Variants in CACNA1C observed in about 807,000 individuals in gnomAD.
CACNA1C encodes calcium voltage-gated channel subunit alpha1 C.
CACNA1C carries 30 observed loss-of-function variants against 229.0 expected under a neutral mutation model. That is an observed-to-expected ratio of 0.13 (90% CI 0.10 to 0.18). CACNA1C has a LOEUF of 0.18. Among genes scored for constraint, CACNA1C ranks in the 10% least tolerant of loss-of-function variants. CACNA1C has a pLI of 1.00. For synonymous variants in CACNA1C, 1,114 were observed against 1,132.5 expected (o/e 0.98, Z 0.33); for missense variants, 1,658 against 2,845.0 (o/e 0.58, Z 9.49).
rs5795996 is a variant in CACNA1C at position 2,211,714 on chromosome 12, CTTTT to C, written c.477+91302_477+91305del. The stretch of plus-strand genomic sequence containing the variant: ...CTTTCACCTGTTACTCTTTCTGCTG[CTTTT>C]TTTTTTTTTTTTTTTTTGAGACAGA... On this transcript the variant is annotated intron_variant, in intron 3 of 46. Coordinates refer to ENST00000399655, the MANE Select transcript of CACNA1C (RefSeq NM_000719.7). Among the ~76,000 whole-genome samples the C allele has an allele frequency of 3.9e-3, 446 of 115,466 alleles. 3 individuals are homozygous for C. Among genetic ancestry groups the C allele is most frequent in the African/African-American group, 0.016 (430 of 26,414 alleles). The allele number at this position is 115,466 out of a possible 152,430, so 75.8% of individuals were successfully genotyped here.
intron 1 of CACNA1C, among the ~76,000 whole-genome samples, chr12:2,070,908 TC>T (rs1565498302): frequency 6.8e-6 from 1 of 147,630 alleles, no homozygotes; most frequent in Non-Finnish European, 1.5e-5. Flanking sequence ...TCCTTTTCTC[TC>T]TCCTTCCTTC....
At chr12:2,466,037 T>A (rs909052781) in intron 5 of CACNA1C, among the ~76,000 whole-genome samples, 2 of 152,130 alleles carry the variant, frequency 1.3e-5, no homozygotes, top group Non-Finnish European at 2.9e-5. Context: ...AGTCCCCAGG[T>A]GAACCACACG....
intron 1 of CACNA1C, among the ~76,000 whole-genome samples, chr12:2,062,904 G>A (rs2058028203): frequency 6.6e-6 from 1 of 152,124 alleles, no homozygotes; most frequent in African/African-American, 2.4e-5. Context: ...CAGACTTCAT[G>A]CATTATTTAT....
chr12:2,674,703 C>A, intron 39 of CACNA1C, 61 bp downstream of exon 39: 1 of 1,443,060 alleles, frequency 6.9e-7, no homozygotes, highest in Non-Finnish European at 9.4e-7. Context: ...CCTCTGCCTG[C>A]CTCTCCTCCA....
At chr12:2,569,251 T>A (rs1396673095) in intron 13 of CACNA1C, among the ~76,000 whole-genome samples, 2 of 152,244 alleles carry the variant, frequency 1.3e-5, no homozygotes, top group Admixed American at 1.3e-4. Context: ...ACCTGACTTA[T>A]GACCACTGGG....
In CACNA1C at chr12:2,117,133, T is replaced by C. The variant is rs143258263; in HGVS notation, c.371+1588T>C. 4.7e-3 allele frequency among the ~76,000 whole-genome samples: 722 copies of C among 152,258 alleles called. 5 individuals are homozygous for C. The highest frequency in any genetic ancestry group is 0.017 in the African/African-American group (698 of 41,550). Reference sequence around the variant, plus strand: ...TAATAATACAAAAATTAGCCAGGCGTTGGGGCACATGCCAGTAATTCCAGC... The same window carrying C: ...TAATAATACAAAAATTAGCCAGGCGCTGGGGCACATGCCAGTAATTCCAGC... On this transcript the variant is annotated intron_variant, in intron 2 of 46. Coordinates refer to ENST00000399655, the MANE Select transcript of CACNA1C (RefSeq NM_000719.7).
intron 1 of CACNA1C, among the ~76,000 whole-genome samples, chr12:2,071,596 A>G (rs1323402773): frequency 6.6e-6 from 1 of 151,996 alleles, no homozygotes; most frequent in Non-Finnish European, 1.5e-5. Context: ...TATTATTAAA[A>G]CATGTATTGA....
At chr12:2,168,585 C>T (rs897805903) in intron 3 of CACNA1C, among the ~76,000 whole-genome samples, 7 of 152,210 alleles carry the variant, frequency 4.6e-5, no homozygotes, top group East Asian at 1.9e-4. Context: ...GAATGCACCA[C>T]GGGTGGGTAA....
intron 29 of CACNA1C, chr12:2,614,185 T>G (rs2079249419): frequency 6.6e-6 from 1 of 152,214 alleles, no homozygotes; most frequent in Admixed American, 6.5e-5. Flanking sequence ...GTCTAAACTG[T>G]AAAGTGCCTC....
chr12:2,297,781 A>T (rs1282761091), intron 3 of CACNA1C, among the ~76,000 whole-genome samples: 4 of 152,182 alleles, frequency 2.6e-5, no homozygotes, highest in African/African-American at 9.6e-5. Context: ...TAAGTCTGTA[A>T]TGTGCATATA....
At chr12:2,339,763 T>C (rs1318023249) in intron 3 of CACNA1C, among the ~76,000 whole-genome samples, 3 of 152,180 alleles carry the variant, frequency 2.0e-5, no homozygotes, top group African/African-American at 7.2e-5. Flanking sequence ...GAGACCACCA[T>C]TGTGTATGTG....
At chr12:2,519,014 C>G (rs1409252334) in intron 9 of CACNA1C, among the ~76,000 whole-genome samples, 1 of 152,210 alleles carries the variant, frequency 6.6e-6, no homozygotes, top group Non-Finnish European at 1.5e-5. Flanking sequence ...ACCCAGGGCT[C>G]CAGATTCCCC....
chr12:2,334,954 G>A (rs186378877), intron 3 of CACNA1C, among the ~76,000 whole-genome samples: 22 of 152,218 alleles, frequency 1.4e-4, no homozygotes, highest in African/African-American at 4.8e-4. Flanking sequence ...CTTCTTGCAC[G>A]TTCTCTTTAA....
chr12:2,357,664 TAAAAAAAAA>T lies in CACNA1C; in HGVS notation c.478-91302_478-91294del, dbSNP rs550833961. 2.3e-5 allele frequency among the ~76,000 whole-genome samples: 3 copies of T among 129,942 alleles called. No individual in the cohort carries two copies. In the South Asian group the frequency reaches 7.5e-4, roughly 32 times the overall value. 85.2% of individuals were successfully genotyped at this position (129,942 alleles called of 152,430 possible). ...TTTATTTGTTTGGGTTTTTTTTCCTTAAAAAAAAAAAAAAAAAAGGAATCGGCCAGGCAC... is the reference window on the plus strand; with the variant it reads ...TTTATTTGTTTGGGTTTTTTTTCCTTAAAAAAAAAGGAATCGGCCAGGCAC... On this transcript the variant is annotated intron_variant, in intron 3 of 46. Transcript: ENST00000399655.
Position 2,633,692 on chromosome 12 carries a change from G to T in CACNA1C, c.3829-605G>T. ...CATCGTAATTGGCAGCATAATTGACGTCATTCTCAGTGAGACTAATGTGAG... is the reference window on the plus strand; with the variant it reads ...CATCGTAATTGGCAGCATAATTGACTTCATTCTCAGTGAGACTAATGTGAG... On this transcript the variant is annotated intron_variant, in intron 29 of 46. Transcript: ENST00000399655. The surrounding 1 kb of genome is among the most constrained non-coding windows in gnomAD (Gnocchi z 5.8). 6.2e-7 allele frequency: 1 copy of T among 1,604,136 alleles called. No individual in the cohort carries two copies. Among genetic ancestry groups the T allele is most frequent in the Non-Finnish European group, 8.5e-7 (1 of 1,171,028 alleles).
In CACNA1C at chr12:2,608,273, T is replaced by G. The variant is rs1414207238; in HGVS notation, c.3357-238T>G. Among the ~76,000 whole-genome samples, 31 of 152,204 alleles carry G rather than the reference T, an allele frequency of 2.0e-4. No individual in the cohort carries two copies. The highest frequency in any genetic ancestry group is 2.0e-3 in the Admixed American group (31 of 15,284). ...TTCCTATACATTATTCTAACTACCC[T>G]GCAAGGTAGGAAAGTCAGGAATTAT... On this transcript the variant is annotated intron_variant, in intron 26 of 46. Coordinates refer to ENST00000399655, the MANE Select transcript of CACNA1C (RefSeq NM_000719.7). This position sits in a 1 kb window ranked among gnomAD's most constrained non-coding sequence, Gnocchi z 4.2.
intron 13 of CACNA1C, among the ~76,000 whole-genome samples, chr12:2,572,684 TCTCTTCCTCCTTCTC>T (rs2056406317): frequency 2.1e-5 from 2 of 94,418 alleles, no homozygotes; most frequent in Non-Finnish European, 4.2e-5. Flanking sequence ...TCCTCCTTCT[TCTCTTCCTCCTTCTC>T]CTCTTCCTCC....
At chr12:2,510,970 C>T (rs2099782475) in intron 8 of CACNA1C, among the ~76,000 whole-genome samples, 1 of 152,214 alleles carries the variant, frequency 6.6e-6, no homozygotes, top group South Asian at 2.1e-4. Context: ...TCTCTATGAT[C>T]ATCCCCAGAA....
At chr12:2,622,446 G>A (rs141993617) in intron 29 of CACNA1C, among the ~76,000 whole-genome samples, 27 of 152,242 alleles carry the variant, frequency 1.8e-4, no homozygotes, top group Middle Eastern at 6.8e-3. Context: ...AGAGGTCCCT[G>A]ACTCTGCCCC....
Sources: allele counts gnomAD v4.1 joint callset (sites outside exome capture counted in the v4.1 genomes callset), GRCh38; gene constraint gnomAD v4.1.1; non-coding constraint Gnocchi (gnomAD v3.1); transcripts MANE v1.5; gene names NCBI Gene and HGNC (gene_info 2026-07-23, HGNC 2026-07-21).